PRKAG2: variants seen among roughly 807,000 people sequenced by gnomAD.
The protein encoded by PRKAG2 is 5'-AMP-activated protein kinase subunit gamma-2.
A neutral mutation model predicts 69.6 loss-of-function variants in PRKAG2; 26 were observed. That is an observed-to-expected ratio of 0.37 (90% CI 0.27 to 0.52). The LOEUF (loss-of-function observed/expected upper bound fraction) is 0.52. Among genes scored for constraint, PRKAG2 ranks in the 20% least tolerant of loss-of-function variants. The pLI is 0.90. For synonymous variants in PRKAG2, 293 were observed against 285.0 expected (o/e 1.03, Z -0.28); for missense variants, 557 against 740.0 (o/e 0.75, Z 2.87).
intron 1 of PRKAG2, among the ~76,000 whole-genome samples, chr7:151,794,165 C>T (rs912553344): frequency 2.6e-5 from 4 of 152,186 alleles, no homozygotes; most frequent in Admixed American, 6.5e-5. Flanking sequence ...GCCTGAGCCT[C>T]CCCTGGCTTT....
In PRKAG2 at chr7:151,713,180, G is replaced by T. The variant is rs369780154; in HGVS notation, c.467-37543C>A. On this transcript the variant is annotated intron_variant, in intron 3 of 15. Transcript: ENST00000287878. ...GGCAAAACTCCCGGAAGGACAGGGGGTCATGGAAGAAGGAATTCTGAGCCT... is the reference window on the plus strand; with the variant it reads ...GGCAAAACTCCCGGAAGGACAGGGGTTCATGGAAGAAGGAATTCTGAGCCT... 2.6e-5 allele frequency among the ~76,000 whole-genome samples: 4 copies of T among 152,368 alleles called. No individual in the cohort carries two copies. In the East Asian group the frequency reaches 7.7e-4, roughly 29 times the overall value.
chr7:151,656,212 A>C (rs1829389908), intron 4 of PRKAG2, among the ~76,000 whole-genome samples: 1 of 152,230 alleles, frequency 6.6e-6, no homozygotes, highest in South Asian at 2.1e-4. Flanking sequence ...GAAATAACCA[A>C]CAATTTTAAA....
chr7:151,846,551 G>T (rs992624289), intron 1 of PRKAG2, among the ~76,000 whole-genome samples: 13 of 152,182 alleles, frequency 8.5e-5, no homozygotes, highest in Admixed American at 8.5e-4. Context: ...CTGCAATTTG[G>T]AACTACCCTA....
intron 3 of PRKAG2, among the ~76,000 whole-genome samples, chr7:151,705,654 C>T (rs1352055540): frequency 6.6e-6 from 1 of 152,194 alleles, no homozygotes; most frequent in African/African-American, 2.4e-5. Flanking sequence ...CCAGGATCAG[C>T]TCACTAAGGT....
intron 5 of PRKAG2, among the ~76,000 whole-genome samples, chr7:151,599,363 C>T (rs1185366998): frequency 6.6e-6 from 1 of 152,060 alleles, no homozygotes; most frequent in Non-Finnish European, 1.5e-5. Flanking sequence ...CCATGGCCAC[C>T]CCCTACATAT....
chr7:151,718,603 C>T (rs898856276), intron 3 of PRKAG2, among the ~76,000 whole-genome samples: 2 of 143,858 alleles, frequency 1.4e-5, no homozygotes, highest in South Asian at 2.2e-4. Context: ...TCATGAAGTC[C>T]CCAGGATGCA....
chr7:151,876,834 C>G lies in PRKAG2; in HGVS notation c.-214G>C, dbSNP rs2080417241. On this transcript the variant is annotated 5_prime_UTR_variant, in exon 1 of 16. Transcript: ENST00000287878. Reference sequence around the variant, plus strand: ...ATTCAAGCGTCCTTTCCTACGGAACCCTCGTAGGCAAATCAGTCAAAGCCC... The same window carrying G: ...ATTCAAGCGTCCTTTCCTACGGAACGCTCGTAGGCAAATCAGTCAAAGCCC... The G allele has an allele frequency of 3.3e-6, 2 of 611,852 alleles. No individual in the cohort carries two copies. The highest frequency in any genetic ancestry group is 2.7e-5 in the Admixed American group (1 of 37,100). The allele number at this position is 611,852 out of a possible 1,614,324, so 37.9% of individuals were successfully genotyped here.
chr7:151,846,188 T>C (rs1037035116), intron 1 of PRKAG2, among the ~76,000 whole-genome samples: 3 of 152,204 alleles, frequency 2.0e-5, no homozygotes, highest in African/African-American at 7.2e-5. Context: ...TAAAAATAAA[T>C]GTAAGGCCGG....
At chr7:151,664,715 C>A (rs1563374555) in intron 4 of PRKAG2, among the ~76,000 whole-genome samples, 1 of 152,204 alleles carries the variant, frequency 6.6e-6, no homozygotes, top group Non-Finnish European at 1.5e-5. Flanking sequence ...AAAAGATAAT[C>A]ACGGTGCACT....
At chr7:151,665,127 G>A (rs749090570) in intron 4 of PRKAG2, among the ~76,000 whole-genome samples, 58 of 152,230 alleles carry the variant, frequency 3.8e-4, no homozygotes, top group Middle Eastern at 3.4e-3. Context: ...CCAGAGTTCT[G>A]CTTCTACAGG....
chr7:151,635,614 A>G (rs1825599238), intron 4 of PRKAG2, among the ~76,000 whole-genome samples: 1 of 152,158 alleles, frequency 6.6e-6, no homozygotes, highest in Non-Finnish European at 1.5e-5. Context: ...GTATGATTCC[A>G]TTTATATTAT....
chr7:151,832,277 AAGGAAGGGAGGAG>A (rs2079051225), intron 1 of PRKAG2, among the ~76,000 whole-genome samples: 3 of 143,164 alleles, frequency 2.1e-5, no homozygotes, highest in Non-Finnish European at 4.6e-5. Flanking sequence ...GGGAGGAGGG[AAGGAAGGGAGGAG>A]GGAGGGAATA....
At chr7:151,757,320 G>A (rs1244815123) in intron 3 of PRKAG2, among the ~76,000 whole-genome samples, 2 of 152,154 alleles carry the variant, frequency 1.3e-5, no homozygotes, top group Non-Finnish European at 2.9e-5. Flanking sequence ...GTGATCCAAC[G>A]CTGAAATGGT....
At chr7:151,665,422 G>A (rs114777715) in intron 4 of PRKAG2, among the ~76,000 whole-genome samples, 4 of 152,164 alleles carry the variant, frequency 2.6e-5, no homozygotes, top group Admixed American at 2.6e-4. Flanking sequence ...AGTCGTGTGT[G>A]TCTCTCTCTC....
intron 8 of PRKAG2, among the ~76,000 whole-genome samples, 161 bp downstream of exon 8, chr7:151,574,730 T>C (rs1464043553): frequency 6.6e-6 from 1 of 152,174 alleles, no homozygotes; most frequent in African/African-American, 2.4e-5. Context: ...TGTACTGAAG[T>C]TCCCTGCATG....
chr7:151,778,392 G>A (rs1586468500), intron 3 of PRKAG2, among the ~76,000 whole-genome samples: 1 of 152,140 alleles, frequency 6.6e-6, no homozygotes, highest in South Asian at 2.1e-4. Flanking sequence ...GCAGATGCTG[G>A]CACCATGCCT....
intron 3 of PRKAG2, among the ~76,000 whole-genome samples, chr7:151,716,109 T>C (rs1363714382): frequency 6.6e-6 from 1 of 152,174 alleles, no homozygotes; most frequent in African/African-American, 2.4e-5. Context: ...TCTTTTCTCT[T>C]TGATAAGTGC....
intron 2 of PRKAG2, among the ~76,000 whole-genome samples, chr7:151,784,943 C>T (rs891890050): frequency 3.3e-5 from 5 of 152,200 alleles, no homozygotes; most frequent in South Asian, 2.1e-4. Context: ...GAAAGCCAGG[C>T]GGAGGGACAG....
intron 4 of PRKAG2, among the ~76,000 whole-genome samples, chr7:151,674,397 C>T (rs1832568498): frequency 6.6e-6 from 1 of 152,160 alleles, no homozygotes; most frequent in Non-Finnish European, 1.5e-5. Context: ...TGTCATGCCC[C>T]AGTGACATGC....
Sources: gnomAD v4.1 joint callset for allele counts (sites outside exome capture counted in the v4.1 genomes callset) on GRCh38, gnomAD v4.1.1 for gene constraint, MANE v1.5 for transcripts, NCBI Gene and HGNC (gene_info 2026-07-23, HGNC 2026-07-21) for gene names.